The following DLG2 variants were observed in gnomAD, a reference collection of about 807,000 sequenced individuals.
The protein encoded by DLG2 is disks large homolog 2.
In DLG2, 45 loss-of-function variants were observed where a neutral mutation model predicts 132.5. The observed-to-expected ratio is 0.34, with a 90% CI of 0.27 to 0.44. The LOEUF is 0.44. Among genes scored for constraint, DLG2 ranks in the 20% least tolerant of loss-of-function variants. The probability of loss-of-function intolerance (pLI) is 1.00; values close to 1 mark genes in which losing one functional copy is unlikely to be tolerated. For synonymous variants in DLG2, 424 were observed against 419.6 expected (o/e 1.01, Z -0.13); for missense variants, 1,045 against 1,196.9 (o/e 0.87, Z 1.87).
At position 85,206,855 on chromosome 11, in the gene DLG2, C is replaced by CT. The variant is rs200634111; in HGVS notation, c.187-52205dup. Among the ~76,000 whole-genome samples, 1,207 of 151,436 alleles carry CT rather than the reference C, an allele frequency of 8.0e-3. 15 individuals are homozygous for CT. Among genetic ancestry groups the CT allele is most frequent in the African/African-American group, 0.028 (1,142 of 41,292 alleles). ...TCTAAAAATGAAAAAAAGCGCATAT[C>CT]TTTTTTTTTAATTTCAAGTCCAATG... On this transcript the variant is annotated intron_variant, in intron 4 of 27. Transcript: ENST00000376104.
intron 7 of DLG2, among the ~76,000 whole-genome samples, chr11:84,278,095 C>T (rs911857352): frequency 7.3e-6 from 1 of 137,670 alleles, no homozygotes; most frequent in African/African-American, 2.7e-5. Flanking sequence ...ACTTTGTTGC[C>T]CAGGCTGGTC....
intron 3 of DLG2, among the ~76,000 whole-genome samples, chr11:85,481,062 T>C (rs1198952126): frequency 3.3e-5 from 5 of 152,248 alleles, no homozygotes; most frequent in Non-Finnish European, 7.3e-5. Context: ...TGTAAAATCA[T>C]ATAAACTTCA....
rs151311100 is a variant in DLG2, at chr11:83,817,213, C to A, written c.1722+16401G>T. On this transcript the variant is annotated intron_variant, in intron 17 of 27. Coordinates refer to ENST00000376104, the MANE Select transcript of DLG2 (RefSeq NM_001142699.3). ...TGTCATAGGAAGAGTATGGGATATA[C>A]AAAGCACATTAAGAGGGGTACCTAA... Among the ~76,000 whole-genome samples the A allele has an allele frequency of 6.2e-3, 936 of 152,164 alleles. 8 individuals carry two copies. The highest frequency in any genetic ancestry group is 0.021 in the Middle Eastern group (6 of 292).
At chr11:83,730,220 T>G (rs1161498708) in intron 18 of DLG2, among the ~76,000 whole-genome samples, 1 of 151,200 alleles carries the variant, frequency 6.6e-6, no homozygotes, top group African/African-American at 2.4e-5. Flanking sequence ...CTGTTTCATC[T>G]GCTATAATTG....
At chr11:84,624,904 C>T (rs2099619873) in intron 6 of DLG2, among the ~76,000 whole-genome samples, 1 of 109,742 alleles carries the variant, frequency 9.1e-6, no homozygotes, top group African/African-American at 4.3e-5. Context: ...GTCGCCCAGG[C>T]TGGAGTGCAG....
At chr11:85,554,677 G>A (rs971113925) in intron 3 of DLG2, among the ~76,000 whole-genome samples, 3 of 151,824 alleles carry the variant, frequency 2.0e-5, no homozygotes, top group Non-Finnish European at 4.4e-5. Flanking sequence ...TAGGACTGGG[G>A]GGAGCTGAAT....
chr11:83,850,058 G>C (rs1472280003), intron 16 of DLG2, among the ~76,000 whole-genome samples: 1 of 151,702 alleles, frequency 6.6e-6, no homozygotes, highest in Non-Finnish European at 1.5e-5. Flanking sequence ...CATCCTAGGG[G>C]GACAGGGAGG....
intron 6 of DLG2, among the ~76,000 whole-genome samples, chr11:84,846,178 C>T (rs2081451352): frequency 6.6e-6 from 1 of 152,058 alleles, no homozygotes; most frequent in African/African-American, 2.4e-5. Flanking sequence ...ATATATATCT[C>T]TATCCCTGAC....
At chr11:85,197,740 A>C (rs929175779) in intron 4 of DLG2, among the ~76,000 whole-genome samples, 1 of 152,162 alleles carries the variant, frequency 6.6e-6, no homozygotes, top group Non-Finnish European at 1.5e-5. Flanking sequence ...GCACTGAACC[A>C]ACTAGAACAA....
intron 3 of DLG2, among the ~76,000 whole-genome samples, chr11:85,359,490 A>G (rs1271267247): frequency 6.6e-6 from 1 of 152,236 alleles, no homozygotes; most frequent in East Asian, 1.9e-4. Flanking sequence ...AATTTGTTCA[A>G]GAAACATTTA....
chr11:84,378,184 G>C (rs994905864), intron 7 of DLG2, among the ~76,000 whole-genome samples: 1 of 152,178 alleles, frequency 6.6e-6, no homozygotes, highest in African/African-American at 2.4e-5. Context: ...GGGTAGGGCT[G>C]TGATTTATTA....
intron 9 of DLG2, among the ~76,000 whole-genome samples, chr11:84,161,291 TAAAG>T (rs1375260928): frequency 6.6e-6 from 1 of 151,778 alleles, no homozygotes; most frequent in African/African-American, 2.4e-5. Context: ...AGAGAGGGCA[TAAAG>T]AAAGGTGAAA....
intron 4 of DLG2, among the ~76,000 whole-genome samples, chr11:85,204,687 C>G (rs1305450741): frequency 2.3e-4 from 35 of 151,854 alleles, no homozygotes; most frequent in Admixed American, 2.3e-3. Flanking sequence ...AAAAAAAACT[C>G]CTAAAATTTG....
chr11:83,764,809 T>C (rs1244430740), intron 18 of DLG2, among the ~76,000 whole-genome samples: 3 of 151,946 alleles, frequency 2.0e-5, no homozygotes, highest in African/African-American at 7.3e-5. Context: ...ACTCAGGAGG[T>C]GTTCTCTATT....
At chr11:84,358,566 T>C (rs1411547452) in intron 7 of DLG2, among the ~76,000 whole-genome samples, 1 of 151,796 alleles carries the variant, frequency 6.6e-6, no homozygotes, top group Non-Finnish European at 1.5e-5. Context: ...AACTTCTCTC[T>C]AGGTTATTTG....
chr11:84,982,247 C>A (rs983895736), intron 6 of DLG2, among the ~76,000 whole-genome samples: 2 of 152,064 alleles, frequency 1.3e-5, no homozygotes, highest in Non-Finnish European at 2.9e-5. Flanking sequence ...TCTCTGAGTA[C>A]CCAACTGCCT....
chr11:83,512,413 A>G (rs1416188286), intron 21 of DLG2, among the ~76,000 whole-genome samples: 1 of 152,344 alleles, frequency 6.6e-6, no homozygotes, highest in Non-Finnish European at 1.5e-5. Flanking sequence ...AATAAGCAAT[A>G]AACGAGTAAT....
chr11:83,709,424 C>T (rs2084873665), intron 18 of DLG2, among the ~76,000 whole-genome samples: 1 of 151,304 alleles, frequency 6.6e-6, no homozygotes, highest in African/African-American at 2.4e-5. Context: ...GCAAGAACCA[C>T]ATTGTAAAGT....
At chr11:84,317,247 C>G in intron 7 of DLG2, 1 of 1,506,922 alleles carries the variant, frequency 6.6e-7, no homozygotes, top group Non-Finnish European at 8.8e-7. Flanking sequence ...TTTTTTCCAC[C>G]GTGGATTCCT....
Sources: gnomAD v4.1 joint callset for allele counts (sites outside exome capture counted in the v4.1 genomes callset) on GRCh38, gnomAD v4.1.1 for gene constraint, MANE v1.5 for transcripts, NCBI Gene and HGNC (gene_info 2026-07-23, HGNC 2026-07-21) for gene names.